The following AHCYL2 variants were observed in gnomAD, a reference collection of about 807,000 sequenced individuals.
The protein encoded by AHCYL2 is S-adenosylhomocysteine hydrolase-like protein 2.
AHCYL2 carries 28 observed loss-of-function variants against 81.4 expected under a neutral mutation model. The observed-to-expected ratio is 0.34, with a 90% CI of 0.25 to 0.47. The LOEUF (loss-of-function observed/expected upper bound fraction) is 0.47. Among genes scored for constraint, AHCYL2 ranks in the 20% least tolerant of loss-of-function variants. The pLI, the probability that AHCYL2 is intolerant of heterozygous loss-of-function variation, is 1.00. For synonymous variants in AHCYL2, 272 were observed against 290.2 expected (o/e 0.94, Z 0.64); for missense variants, 551 against 785.1 (o/e 0.70, Z 3.56).
rs533062979 is a variant in AHCYL2, at chr7:129,275,317, T to G, written c.363+49878T>G. Among the ~76,000 whole-genome samples, 172 of 152,050 alleles carry G rather than the reference T, an allele frequency of 1.1e-3. 1 individual carries two copies. Among genetic ancestry groups the G allele is most frequent in the Admixed American group, 2.3e-3 (35 of 15,270 alleles). ...CTCAGGAGGCTGAGGCAGGAGAATC[T>G]CATGAACCCGGGAGGCAGAGGTTGC... On this transcript the variant is annotated intron_variant, in intron 1 of 16. Transcript: ENST00000325006.
intron 1 of AHCYL2, among the ~76,000 whole-genome samples, chr7:129,307,454 C>T (rs1445309359): frequency 6.6e-6 from 1 of 151,990 alleles, no homozygotes; most frequent in East Asian, 1.9e-4. Context: ...GCTCTTCAGT[C>T]AGCTTGTGGT....
At position 129,405,750 on chromosome 7, in the gene AHCYL2, A is replaced by G. The variant is rs1017926600; in HGVS notation, c.1143-86A>G. 5.5e-6 allele frequency: 7 copies of G among 1,274,958 alleles called. No individual in the cohort carries two copies. In the Admixed American group the frequency reaches 9.8e-5, roughly 18 times the overall value. 79.0% of individuals were successfully genotyped at this position (1,274,958 alleles called of 1,614,324 possible). ...TTCAAAATGAAAAACCAACCAAAAA[A>G]CCCCATGAAAACAAAGAGATTCAAT... is the stretch of plus-strand genomic sequence containing the variant. On this transcript the variant is annotated intron_variant, in intron 8 of 16. Coordinates refer to ENST00000325006, the MANE Select transcript of AHCYL2 (RefSeq NM_015328.4).
rs1443313279 is a variant in AHCYL2, at chr7:129,427,420, C to T, written c.*375C>T. 5.9e-6 allele frequency: 1 copy of T among 170,556 alleles called. No homozygotes were observed. The highest frequency in any genetic ancestry group is 1.2e-5 in the Non-Finnish European group (1 of 80,428). 10.6% of individuals were successfully genotyped at this position (170,556 alleles called of 1,614,324 possible). A position where few individuals can be genotyped will look rare whatever the true frequency, so the allele number is the denominator to read the frequency against. On this transcript the variant is annotated 3_prime_UTR_variant, in exon 17 of 17. Transcript: ENST00000325006. This position sits in a 1 kb window ranked among gnomAD's most constrained non-coding sequence, Gnocchi z 5.5. ...CATACTCCCTATTCCCTGGAGTTTT[C>T]TGGAATAAATTTTCAGCACCTGCTT...
chr7:129,416,388 A>G (rs1020513245), intron 12 of AHCYL2, among the ~76,000 whole-genome samples: 4 of 152,242 alleles, frequency 2.6e-5, no homozygotes, highest in Non-Finnish European at 5.9e-5. Context: ...ATAAATATGT[A>G]AAATTTATAC....
chr7:129,371,264 C>G (rs1200300100), intron 1 of AHCYL2, among the ~76,000 whole-genome samples: 1 of 152,180 alleles, frequency 6.6e-6, no homozygotes, highest in African/African-American at 2.4e-5. Flanking sequence ...AATCTTCTTT[C>G]AGGAGAAAAA....
chr7:129,299,291 A>C (rs753017328), intron 1 of AHCYL2, among the ~76,000 whole-genome samples: 1 of 149,846 alleles, frequency 6.7e-6, no homozygotes, highest in African/African-American at 2.4e-5. Flanking sequence ...AAAAAAAAAA[A>C]AACAAAAAAC....
At chr7:129,374,807 C>CA (rs35477492) in intron 1 of AHCYL2, among the ~76,000 whole-genome samples, 18,502 of 84,742 alleles carry the variant, frequency 0.22, 1,931 homozygotes, top group African/African-American at 0.38. Context: ...AACTCCATCT[C>CA]AAAAAAAAAA....
At chr7:129,288,703 G>A (rs938047331) in intron 1 of AHCYL2, among the ~76,000 whole-genome samples, 6 of 152,098 alleles carry the variant, frequency 3.9e-5, no homozygotes, top group Non-Finnish European at 7.4e-5. Context: ...CATGAGTGGT[G>A]TTAAGTACTT....
At chr7:129,340,514 G>A (rs1793138324) in intron 1 of AHCYL2, among the ~76,000 whole-genome samples, 1 of 149,870 alleles carries the variant, frequency 6.7e-6, no homozygotes, top group African/African-American at 2.5e-5. Context: ...CTTGCAGTGA[G>A]CCGAGATCGC....
chr7:129,343,279 G>T (rs1244376437), intron 1 of AHCYL2, among the ~76,000 whole-genome samples: 2 of 152,092 alleles, frequency 1.3e-5, no homozygotes, highest in African/African-American at 4.8e-5. Flanking sequence ...CCACTAGAGG[G>T]CACTAGGATA....
chr7:129,370,764 A>G (rs186058557), intron 1 of AHCYL2, among the ~76,000 whole-genome samples: 19 of 152,320 alleles, frequency 1.2e-4, no homozygotes, highest in African/African-American at 4.3e-4. Context: ...TTAATAAGGT[A>G]TTACTCTCAC....
chr7:129,350,405 T>G, intron 1 of AHCYL2, among the ~76,000 whole-genome samples: 1 of 150,662 alleles, frequency 6.6e-6, no homozygotes, highest in Non-Finnish European at 1.5e-5. Flanking sequence ...TTTTTGGAGA[T>G]GGAGTCTCAC....
chr7:129,340,149 C>G (rs2150814609), intron 1 of AHCYL2, among the ~76,000 whole-genome samples: 1 of 147,022 alleles, frequency 6.8e-6, no homozygotes, highest in South Asian at 2.2e-4. Context: ...GTCTCGATCT[C>G]CTGACCTTGT....
At chr7:129,357,071 A>G (rs992964253) in intron 1 of AHCYL2, among the ~76,000 whole-genome samples, 1 of 152,208 alleles carries the variant, frequency 6.6e-6, no homozygotes, top group Non-Finnish European at 1.5e-5. Flanking sequence ...GTATAGTGTT[A>G]TTTCGGGATT....
chr7:129,408,302 T>G (rs1183130545), intron 10 of AHCYL2, among the ~76,000 whole-genome samples: 1 of 152,150 alleles, frequency 6.6e-6, no homozygotes, highest in Non-Finnish European at 1.5e-5. Flanking sequence ...AGGCAAGAAG[T>G]AATAAGACCT....
chr7:129,236,831 T>C lies in AHCYL2; in HGVS notation c.363+11392T>C, dbSNP rs563819471. On this transcript the variant is annotated intron_variant, in intron 1 of 16. Coordinates refer to ENST00000325006, the MANE Select transcript of AHCYL2 (RefSeq NM_015328.4). ...CAGAATGAGGCTGAGAGTATTTTCA[T>C]GCATATATTGGCAATTTATATTCTT... 2.0e-5 allele frequency among the ~76,000 whole-genome samples: 3 copies of C among 152,372 alleles called. No individual in the cohort carries two copies. The South Asian group carries it at 6.2e-4, about 32-fold the overall frequency.
At chr7:129,236,802 C>T (rs1287456491) in intron 1 of AHCYL2, among the ~76,000 whole-genome samples, 1 of 152,172 alleles carries the variant, frequency 6.6e-6, no homozygotes. Flanking sequence ...CTGCATTCTT[C>T]TGACAGAATG....
At chr7:129,335,712 C>T (rs1174375006) in intron 1 of AHCYL2, among the ~76,000 whole-genome samples, 2 of 152,184 alleles carry the variant, frequency 1.3e-5, no homozygotes, top group Non-Finnish European at 2.9e-5. Flanking sequence ...GTAGTCTTTC[C>T]AGCATGATGG....
At chr7:129,293,198 A>T (rs1381524484) in intron 1 of AHCYL2, among the ~76,000 whole-genome samples, 1 of 152,072 alleles carries the variant, frequency 6.6e-6, no homozygotes, top group African/African-American at 2.4e-5. Flanking sequence ...ACTCATTTGT[A>T]ATGGTTGCGG....
Sources: allele counts gnomAD v4.1 joint callset (sites outside exome capture counted in the v4.1 genomes callset), GRCh38; gene constraint gnomAD v4.1.1; non-coding constraint Gnocchi (gnomAD v3.1); transcripts MANE v1.5; gene names NCBI Gene and HGNC (gene_info 2026-07-23, HGNC 2026-07-21).